The following SLC71A1 variants were observed in gnomAD, a reference collection of about 807,000 sequenced individuals.
SLC71A1 encodes hippocampus abundant gene transcript 1.
At chr1:100,046,428 G>A in the SLC71A1 span, among the ~76,000 whole-genome samples, 1 of 151,876 alleles carries the variant, frequency 6.6e-6, no homozygotes, top group African/African-American at 2.4e-5. Flanking sequence ...GTTTCACTTT[G>A]ATGGCCAGGC....
At chr1:100,071,164 T>G in the SLC71A1 span, among the ~76,000 whole-genome samples, 3 of 151,096 alleles carry the variant, frequency 2.0e-5, no homozygotes, top group African/African-American at 7.3e-5. Flanking sequence ...TTAAAAAAAG[T>G]TTTTGAGGCC....
the SLC71A1 span, among the ~76,000 whole-genome samples, chr1:100,038,666 C>G: frequency 6.6e-6 from 1 of 152,110 alleles, no homozygotes; most frequent in African/African-American, 2.4e-5. Context: ...CCCTCGTCGC[C>G]GCAGCCTCGC....
the SLC71A1 span, among the ~76,000 whole-genome samples, chr1:100,057,447 C>T: frequency 4.0e-5 from 6 of 151,338 alleles, no homozygotes; most frequent in Admixed American, 2.6e-4. Context: ...CTCTGCCCTC[C>T]GGGTTTAAGC....
At chr1:100,038,194 G>A in the SLC71A1 span, 6 of 1,522,738 alleles carry the variant, frequency 3.9e-6, no homozygotes, top group African/African-American at 8.3e-5. Flanking sequence ...TGCCGCCCCG[G>A]GAGTGGCTGC....
the SLC71A1 span, among the ~76,000 whole-genome samples, chr1:100,059,664 A>G: frequency 2.8e-4 from 42 of 152,140 alleles, no homozygotes; most frequent in East Asian, 7.5e-3. Flanking sequence ...AGCAGTTCAT[A>G]TTTAATACCT....
the SLC71A1 span, among the ~76,000 whole-genome samples, chr1:100,041,863 G>T: frequency 1.3e-5 from 2 of 151,966 alleles, no homozygotes; most frequent in East Asian, 1.9e-4. Flanking sequence ...GGCCAAGATT[G>T]CAGTGAGCCT....
the SLC71A1 span, among the ~76,000 whole-genome samples, chr1:100,048,804 A>G: frequency 1.3e-5 from 2 of 152,146 alleles, no homozygotes; most frequent in African/African-American, 4.8e-5. Context: ...AATTGTTTTA[A>G]TCAGTGCTCA....
chr1:100,068,159 A>T, the SLC71A1 span: 7 of 1,614,070 alleles, frequency 4.3e-6, no homozygotes, highest in Non-Finnish European at 5.9e-6. Context: ...CATCCTGGGG[A>T]GCACCCATTT....
the SLC71A1 span, among the ~76,000 whole-genome samples, chr1:100,048,947 A>C: frequency 6.6e-6 from 1 of 152,198 alleles, no homozygotes; most frequent in Admixed American, 6.5e-5. Flanking sequence ...AACACTTGGA[A>C]GTTGTTCTTG....
the SLC71A1 span, among the ~76,000 whole-genome samples, chr1:100,055,844 C>T: frequency 3.3e-5 from 5 of 152,146 alleles, no homozygotes; most frequent in African/African-American, 1.2e-4. Context: ...TCTCTGCTTC[C>T]TGGATTCAAG....
the SLC71A1 span, chr1:100,049,924 T>C: frequency 6.3e-7 from 1 of 1,599,882 alleles, no homozygotes; most frequent in Non-Finnish European, 8.5e-7. Flanking sequence ...AGGAATAGGT[T>C]CTCCTAGTGT....
chr1:100,078,058 T>A, the SLC71A1 span, among the ~76,000 whole-genome samples: 1 of 152,240 alleles, frequency 6.6e-6, no homozygotes, highest in Non-Finnish European at 1.5e-5. Context: ...AAATCAGCGA[T>A]ATCTTCACAA....
the SLC71A1 span, among the ~76,000 whole-genome samples, chr1:100,066,845 C>A: frequency 2.6e-5 from 4 of 151,906 alleles, no homozygotes; most frequent in Non-Finnish European, 4.4e-5. Context: ...AAAAATTAGC[C>A]GGGCGAGGTG....
At chr1:100,068,280 G>A in the SLC71A1 span, 1 of 1,123,860 alleles carries the variant, frequency 8.9e-7, no homozygotes, top group Non-Finnish European at 1.3e-6. Context: ...TATTTCTTTA[G>A]GGAAAACATC....
the SLC71A1 span, among the ~76,000 whole-genome samples, chr1:100,048,272 A>G: frequency 6.6e-6 from 1 of 151,588 alleles, no homozygotes; most frequent in South Asian, 2.1e-4. Flanking sequence ...TCTGCCTCCC[A>G]GGTTCAAGCG....
At chr1:100,073,415 G>A in the SLC71A1 span, among the ~76,000 whole-genome samples, 1 of 152,196 alleles carries the variant, frequency 6.6e-6, no homozygotes, top group East Asian at 1.9e-4. Flanking sequence ...ACATGGTTGA[G>A]TATGTTCTGT....
At chr1:100,045,995 C>T in the SLC71A1 span, among the ~76,000 whole-genome samples, 1 of 152,126 alleles carries the variant, frequency 6.6e-6, no homozygotes, top group South Asian at 2.1e-4. Flanking sequence ...TGGATATCCA[C>T]TTTTCCTAGC....
the SLC71A1 span, among the ~76,000 whole-genome samples, chr1:100,046,317 C>A: frequency 6.9e-6 from 1 of 144,658 alleles, no homozygotes; most frequent in African/African-American, 2.6e-5. Flanking sequence ...ACCTCTGCCT[C>A]CCTGGTTCAA....
At chr1:100,044,487 A>G in the SLC71A1 span, among the ~76,000 whole-genome samples, 1 of 141,620 alleles carries the variant, frequency 7.1e-6, no homozygotes, top group African/African-American at 2.6e-5. Flanking sequence ...CTCCAACTGT[A>G]TGGGTTGTCT....
Sources: allele counts gnomAD v4.1 joint callset (sites outside exome capture counted in the v4.1 genomes callset), GRCh38; gene constraint gnomAD v4.1.1; transcripts MANE v1.5; gene names NCBI Gene and HGNC (gene_info 2026-07-23, HGNC 2026-07-21).